Variants in VDAC1 observed in about 807,000 individuals in gnomAD.
The protein encoded by VDAC1 is non-selective voltage-gated ion channel VDAC1.
In VDAC1, 10 loss-of-function variants were observed where a neutral mutation model predicts 34.7. That is an observed-to-expected ratio of 0.29 (90% CI 0.18 to 0.49). The LOEUF is 0.49. VDAC1 is among the 20% of genes least tolerant of loss of function. VDAC1 has a pLI of 0.99. For missense variants in VDAC1, 230 were observed against 347.9 expected (o/e 0.66, Z 2.69); for synonymous variants, 130 against 136.0 (o/e 0.96, Z 0.30).
chr5:134,106,245 C>T, the VDAC1 span, among the ~76,000 whole-genome samples: 3 of 152,174 alleles, frequency 2.0e-5, no homozygotes, highest in Non-Finnish European at 4.4e-5. Context: ...GAAGACCAAA[C>T]AAGGTAATTG....
chr5:134,069,832 G>A, the VDAC1 span, among the ~76,000 whole-genome samples: 15 of 152,140 alleles, frequency 9.9e-5, 1 homozygote, highest in South Asian at 4.2e-4. Flanking sequence ...ATAGGAGGTC[G>A]GGACAAGATA....
At chr5:133,999,407 T>C (rs1268242031) in intron 1 of VDAC1, among the ~76,000 whole-genome samples, 2 of 152,172 alleles carry the variant, frequency 1.3e-5, no homozygotes, top group East Asian at 3.8e-4. Flanking sequence ...GTAATAACCA[T>C]AATCCACTAC....
the VDAC1 span, among the ~76,000 whole-genome samples, chr5:134,052,487 G>A: frequency 7.9e-5 from 12 of 152,102 alleles, no homozygotes; most frequent in Middle Eastern, 3.4e-3. Flanking sequence ...TAGAGGCAAA[G>A]GTCTCTCCAT....
At chr5:134,051,738 G>C in the VDAC1 span, among the ~76,000 whole-genome samples, 16 of 144,704 alleles carry the variant, frequency 1.1e-4, no homozygotes, top group Non-Finnish European at 1.5e-5. Flanking sequence ...TTGCTCTGTT[G>C]CTTCAGCTGG....
At chr5:134,074,546 A>C in the VDAC1 span, among the ~76,000 whole-genome samples, 3 of 151,498 alleles carry the variant, frequency 2.0e-5, no homozygotes, top group Non-Finnish European at 4.4e-5. Context: ...GTGTAAGTCC[A>C]GGGCAGAGGT....
chr5:134,070,245 G>A, the VDAC1 span, among the ~76,000 whole-genome samples: 2 of 152,032 alleles, frequency 1.3e-5, no homozygotes, highest in East Asian at 1.9e-4. Context: ...AGTTTCAAGC[G>A]ATTCTCCTGC....
At chr5:134,106,166 G>A in the VDAC1 span, among the ~76,000 whole-genome samples, 1 of 152,216 alleles carries the variant, frequency 6.6e-6, no homozygotes, top group African/African-American at 2.4e-5. Flanking sequence ...GTGACCTCAG[G>A]CAAGGAACTT....
At chr5:134,071,871 C>A in the VDAC1 span, among the ~76,000 whole-genome samples, 3 of 152,236 alleles carry the variant, frequency 2.0e-5, no homozygotes, top group African/African-American at 7.2e-5. This position sits in a 1 kb window ranked among gnomAD's most constrained non-coding sequence, Gnocchi z 4.1. Flanking sequence ...CTCCACCCCT[C>A]CTGCTTGGGA....
chr5:134,097,988 A>G, the VDAC1 span, among the ~76,000 whole-genome samples: 673 of 151,880 alleles, frequency 4.4e-3, 4 homozygotes, highest in African/African-American at 0.016. Context: ...TCCAGCCGCA[A>G]CTTCCCGAGT....
chr5:134,027,710 C>T, the VDAC1 span, among the ~76,000 whole-genome samples: 1 of 151,978 alleles, frequency 6.6e-6, no homozygotes, highest in Non-Finnish European at 1.5e-5. Context: ...TGCCCACCTA[C>T]CATGACTGCA....
chr5:134,012,372 A>G, the VDAC1 span, among the ~76,000 whole-genome samples: 1 of 152,234 alleles, frequency 6.6e-6, no homozygotes, highest in African/African-American at 2.4e-5. Context: ...ATAGGAAACT[A>G]ATATACAACC....
chr5:134,073,476 G>C, the VDAC1 span, among the ~76,000 whole-genome samples: 1 of 152,168 alleles, frequency 6.6e-6, no homozygotes, highest in African/African-American at 2.4e-5. Flanking sequence ...CACTGCTGTG[G>C]GTTGAGGAAG....
the VDAC1 span, among the ~76,000 whole-genome samples, chr5:134,072,793 C>A: frequency 7.9e-5 from 12 of 152,316 alleles, no homozygotes; most frequent in Middle Eastern, 3.4e-3. Flanking sequence ...ATTGTGACCT[C>A]CTGCAGTCCA....
the VDAC1 span, among the ~76,000 whole-genome samples, chr5:134,054,404 A>G: frequency 4.7e-5 from 7 of 150,376 alleles, no homozygotes; most frequent in South Asian, 1.3e-3. Flanking sequence ...AACTGACCAT[A>G]GTCTGTCTTT....
the VDAC1 span, among the ~76,000 whole-genome samples, chr5:134,083,559 G>A: frequency 6.6e-6 from 1 of 152,202 alleles, no homozygotes; most frequent in East Asian, 1.9e-4. Context: ...TGTGGTCAGT[G>A]GGGAAAACTG....
At chr5:134,080,928 G>C in the VDAC1 span, among the ~76,000 whole-genome samples, 7 of 152,010 alleles carry the variant, frequency 4.6e-5, no homozygotes, top group South Asian at 1.0e-3. Flanking sequence ...CCAGGCTAGA[G>C]GGCAATGGCG....
the VDAC1 span, among the ~76,000 whole-genome samples, chr5:134,050,576 G>A: frequency 4.6e-5 from 7 of 152,118 alleles, no homozygotes; most frequent in Admixed American, 2.6e-4. Context: ...ATGATTGCCC[G>A]TTCTTCTCCA....
At chr5:133,992,523 C>T (rs926357620) in intron 2 of VDAC1, among the ~76,000 whole-genome samples, 168 bp from the exon 3 acceptor site, 3 of 152,208 alleles carry the variant, frequency 2.0e-5, no homozygotes, top group African/African-American at 7.2e-5. Flanking sequence ...CTCTCAGCTG[C>T]CATGGAACAG....
intron 1 of VDAC1, among the ~76,000 whole-genome samples, chr5:134,003,532 A>C (rs1304206038): frequency 6.6e-6 from 1 of 152,244 alleles, no homozygotes. Flanking sequence ...AAGTTACTCA[A>C]TACCTGGTAT....
Sources: allele counts gnomAD v4.1 joint callset (sites outside exome capture counted in the v4.1 genomes callset), GRCh38; gene constraint gnomAD v4.1.1; non-coding constraint Gnocchi (gnomAD v3.1); transcripts MANE v1.5; gene names NCBI Gene and HGNC (gene_info 2026-07-23, HGNC 2026-07-21).